Variants in RAMP1 observed in about 807,000 individuals in gnomAD.
The protein encoded by RAMP1 is receptor activity-modifying protein 1.
RAMP1 carries 7 observed loss-of-function variants against 8.2 expected under a neutral mutation model. That is an observed-to-expected ratio of 0.85 (90% CI 0.49 to 1.60). RAMP1 has a LOEUF of 1.60. Ranked by LOEUF, RAMP1 falls within the 40% of genes most tolerant of loss-of-function variation. RAMP1 has a pLI of 0.00. For synonymous variants in RAMP1, 92 were observed against 84.7 expected (o/e 1.09, Z -0.47); for missense variants, 192 against 202.4 (o/e 0.95, Z 0.31).
At chr2:237,860,622 A>C (rs2062123426) in intron 1 of RAMP1, among the ~76,000 whole-genome samples, 1 of 152,220 alleles carries the variant, frequency 6.6e-6, no homozygotes, top group Non-Finnish European at 1.5e-5. Context: ...GAAACTGTGA[A>C]TAGGTTACTG....
Position 237,888,331 on chromosome 2 carries a change from G to A in RAMP1, c.191+10969G>A, listed in dbSNP as rs567941006. ...CTCTCAAAGTGCTGGAATTACAGGC[G>A]TGAGCCACCACGCCCGGCCCATTCT... On this transcript the variant is annotated intron_variant, in intron 2 of 2. Coordinates refer to ENST00000254661, the MANE Select transcript of RAMP1 (RefSeq NM_005855.4). Among the ~76,000 whole-genome samples the A allele has an allele frequency of 6.8e-4, 103 of 152,270 alleles. 1 individual carries two copies. The South Asian group carries it at 0.02, about 29-fold the overall frequency.
chr2:237,886,698 T>C (rs1174711769), intron 2 of RAMP1, among the ~76,000 whole-genome samples: 3 of 152,220 alleles, frequency 2.0e-5, no homozygotes, highest in Non-Finnish European at 2.9e-5. Flanking sequence ...GACCCTGTGG[T>C]GACTTAGCGC....
chr2:237,859,841 G>A (rs1199375929), intron 1 of RAMP1, 114 bp downstream of exon 1: 4 of 1,028,890 alleles, frequency 3.9e-6, no homozygotes, highest in Non-Finnish European at 5.1e-6. Flanking sequence ...GGCGGGCGCC[G>A]CGGGCGCACA....
At chr2:237,874,552 G>A in intron 1 of RAMP1, 1 of 575,424 alleles carries the variant, frequency 1.7e-6, no homozygotes, top group African/African-American at 2.0e-5. Context: ...AGACATGCCT[G>A]TTCATCTTCA....
At chr2:237,866,821 C>G (rs1259324806) in intron 1 of RAMP1, among the ~76,000 whole-genome samples, 1 of 151,936 alleles carries the variant, frequency 6.6e-6, no homozygotes, top group Non-Finnish European at 1.5e-5. Flanking sequence ...CTCCAACTCC[C>G]GGGTTCAAGT....
chr2:237,889,823 C>G (rs911331066), intron 2 of RAMP1, among the ~76,000 whole-genome samples: 18 of 152,152 alleles, frequency 1.2e-4, no homozygotes. Context: ...GATGAGGTCT[C>G]CCTATGTTAC....
chr2:237,884,417 TG>T (rs2062406548), intron 2 of RAMP1, among the ~76,000 whole-genome samples: 1 of 151,926 alleles, frequency 6.6e-6, no homozygotes, highest in Non-Finnish European at 1.5e-5. Context: ...TTCCTATGGG[TG>T]TAGGGGAGGG....
intron 1 of RAMP1, 58 bp downstream of exon 1, chr2:237,859,785 T>C: frequency 7.2e-7 from 1 of 1,380,574 alleles, no homozygotes; most frequent in East Asian, 3.1e-5. Flanking sequence ...CGGTGTCCTC[T>C]AGGGGAGAGG....
chr2:237,870,560 G>T (rs2062235273), intron 1 of RAMP1, among the ~76,000 whole-genome samples: 1 of 152,206 alleles, frequency 6.6e-6, no homozygotes, highest in Non-Finnish European at 1.5e-5. Flanking sequence ...CTGGTAATTT[G>T]GAAGGTAGAC....
intron 1 of RAMP1, among the ~76,000 whole-genome samples, chr2:237,872,945 A>G (rs1323320156): frequency 6.6e-6 from 1 of 152,208 alleles, no homozygotes; most frequent in Non-Finnish European, 1.5e-5. Context: ...GCCTAAGCCT[A>G]AGGAGGTCAA....
intron 2 of RAMP1, among the ~76,000 whole-genome samples, chr2:237,882,122 T>G (rs1241228603): frequency 6.6e-6 from 1 of 152,226 alleles, no homozygotes. Context: ...GCTACCCACT[T>G]GTCCCATTTA....
intron 2 of RAMP1, among the ~76,000 whole-genome samples, chr2:237,890,962 TCACTTCC>T (rs941113057): frequency 6.6e-6 from 1 of 152,148 alleles, no homozygotes; most frequent in African/African-American, 2.4e-5. Context: ...CTTTTACCAC[TCACTTCC>T]CCCCTTTTCC....
intron 2 of RAMP1, among the ~76,000 whole-genome samples, chr2:237,894,780 C>G (rs549869990): frequency 2.0e-5 from 3 of 152,316 alleles, no homozygotes; most frequent in Non-Finnish European, 4.4e-5. Flanking sequence ...AACCTTCTCC[C>G]TTGCTCGGGT....
chr2:237,910,246 CCACACACAGGGA>C (rs2062696476), intron 2 of RAMP1, among the ~76,000 whole-genome samples: 3 of 146,056 alleles, frequency 2.1e-5, no homozygotes, highest in Admixed American at 1.4e-4. Flanking sequence ...ACAGTTACAC[CCACACACAGGGA>C]CACACACAGA....
chr2:237,891,189 A>G (rs1484351320), intron 2 of RAMP1, among the ~76,000 whole-genome samples: 1 of 76,744 alleles, frequency 1.3e-5, no homozygotes, highest in African/African-American at 7.0e-5. Flanking sequence ...TCACTCTGTC[A>G]CCCAGAGTGA....
Position 237,867,863 on chromosome 2 carries a change from C to A in RAMP1, c.52+8136C>A, listed in dbSNP as rs2062205682. Among the ~76,000 whole-genome samples the A allele has an allele frequency of 2.0e-5, 3 of 152,026 alleles. No homozygotes were observed. The South Asian group carries it at 6.2e-4, about 32-fold the overall frequency. On this transcript the variant is annotated intron_variant, in intron 1 of 2. Coordinates refer to ENST00000254661, the MANE Select transcript of RAMP1 (RefSeq NM_005855.4). ...TCTTCCCAAGATACAGGTTGTGGACCCTTATTCTTTCCCTGTGTGCTAGGA... is the reference window on the plus strand; with the variant it reads ...TCTTCCCAAGATACAGGTTGTGGACACTTATTCTTTCCCTGTGTGCTAGGA...
upstream of RAMP1, among the ~76,000 whole-genome samples, chr2:237,859,383 T>G (rs913124861): frequency 2.0e-5 from 3 of 152,106 alleles, no homozygotes; most frequent in African/African-American, 7.2e-5. Flanking sequence ...AAAGTGTTTA[T>G]TTGCTCGGAG....
intron 2 of RAMP1, among the ~76,000 whole-genome samples, chr2:237,906,610 C>T (rs895572): frequency 0.51 from 77,247 of 151,684 alleles, 20,080 homozygotes; most frequent in East Asian, 0.68. Flanking sequence ...GGATCTCAAA[C>T]TCTTTCTTAT....
At chr2:237,898,038 A>G (rs1409838388) in intron 2 of RAMP1, among the ~76,000 whole-genome samples, 2 of 152,132 alleles carry the variant, frequency 1.3e-5, no homozygotes, top group Non-Finnish European at 2.9e-5. Context: ...ACCTCAGGTG[A>G]TCCACCCTCC....
Sources: allele counts gnomAD v4.1 joint callset (sites outside exome capture counted in the v4.1 genomes callset), GRCh38; gene constraint gnomAD v4.1.1; transcripts MANE v1.5; gene names NCBI Gene and HGNC (gene_info 2026-07-23, HGNC 2026-07-21).